IFT74: variants seen among roughly 807,000 people sequenced by gnomAD.
IFT74 encodes intraflagellar transport protein 74 homolog.
Under a neutral mutation model 96.7 loss-of-function variants are expected in IFT74, and 92 were observed. The ratio of observed to expected loss-of-function variants is 0.95; its 90% CI spans 0.80 to 1.13. The LOEUF (loss-of-function observed/expected upper bound fraction) is 1.13, where lower values mean the gene tolerates loss of function less well. Among genes scored for constraint, IFT74 ranks in the 50% most tolerant of loss-of-function variants. The pLI is 0.00. For missense variants in IFT74, 811 were observed against 698.2 expected (o/e 1.16, Z -1.82); for synonymous variants, 223 against 213.2 (o/e 1.05, Z -0.40).
At chr9:27,024,035 A>G (rs1376856354) in intron 12 of IFT74, among the ~76,000 whole-genome samples, 1 of 152,034 alleles carries the variant, frequency 6.6e-6, no homozygotes, top group African/African-American at 2.4e-5. Flanking sequence ...TGAAAGTGCC[A>G]CCTCCTAGCT....
At chr9:26,967,165 T>C (rs1196305586) in intron 2 of IFT74, among the ~76,000 whole-genome samples, 3 of 152,032 alleles carry the variant, frequency 2.0e-5, no homozygotes, top group African/African-American at 4.8e-5. Flanking sequence ...AAGGATTGCA[T>C]TGAATTTGTA....
chr9:27,036,694 G>T, intron 13 of IFT74: 6 of 1,308,940 alleles, frequency 4.6e-6, no homozygotes, highest in Non-Finnish European at 5.8e-6. Context: ...AAAAAAAAAA[G>T]ACTCCTAAAA....
At chr9:27,004,108 A>T (rs529336060) in intron 8 of IFT74, among the ~76,000 whole-genome samples, 9 of 152,330 alleles carry the variant, frequency 5.9e-5, no homozygotes, top group Admixed American at 5.9e-4. Flanking sequence ...TTAAGTTAAA[A>T]GTTGATATGA....
chr9:27,017,461 G>T (rs1296024663), intron 11 of IFT74, among the ~76,000 whole-genome samples: 4 of 152,078 alleles, frequency 2.6e-5, no homozygotes, highest in African/African-American at 9.7e-5. Flanking sequence ...GCCTCAAGCA[G>T]TCCTCCCATT....
chr9:27,027,868 C>G (rs1829941552), intron 12 of IFT74, among the ~76,000 whole-genome samples: 1 of 152,042 alleles, frequency 6.6e-6, no homozygotes, highest in Non-Finnish European at 1.5e-5. Context: ...AGTGTCATAT[C>G]TAAGAAACCA....
chr9:27,047,098 A>ATGG (rs1236757099), intron 14 of IFT74, among the ~76,000 whole-genome samples, 176 bp from the exon 15 acceptor site: 2 of 152,172 alleles, frequency 1.3e-5, no homozygotes, highest in African/African-American at 4.8e-5. Context: ...CCTTGAACCC[A>ATGG]GAGGTGGAGG....
At chr9:26,970,173 G>A (rs1292488721) in intron 2 of IFT74, among the ~76,000 whole-genome samples, 2 of 151,978 alleles carry the variant, frequency 1.3e-5, no homozygotes, top group Non-Finnish European at 2.9e-5. Context: ...TGTGGTGAGG[G>A]CATTGCAAAA....
At chr9:27,037,991 T>C (rs191831493) in intron 13 of IFT74, among the ~76,000 whole-genome samples, 2 of 152,362 alleles carry the variant, frequency 1.3e-5, no homozygotes, top group East Asian at 3.9e-4. Flanking sequence ...TTTAGCCATT[T>C]GATCGAGGCA....
At chr9:27,008,700 A>C (rs1312880337) in intron 8 of IFT74, among the ~76,000 whole-genome samples, 2 of 152,158 alleles carry the variant, frequency 1.3e-5, no homozygotes, top group Admixed American at 1.3e-4. Context: ...AAAAAGTATA[A>C]ATGCATCCTC....
intron 1 of IFT74, among the ~76,000 whole-genome samples, chr9:26,960,037 G>A (rs1358647568): frequency 6.6e-6 from 1 of 152,162 alleles, no homozygotes; most frequent in African/African-American, 2.4e-5. Flanking sequence ...CTTGAGAGAA[G>A]GAGGAGAGTT....
intron 14 of IFT74, among the ~76,000 whole-genome samples, chr9:27,046,059 C>A (rs992287532): frequency 6.6e-6 from 1 of 152,126 alleles, no homozygotes; most frequent in African/African-American, 2.4e-5. Flanking sequence ...GGTCACCTAG[C>A]TCAGATTTCT....
rs189333954 is a variant in IFT74 at position 27,006,294 on chromosome 9, T to C, written c.588-2726T>C. Among the ~76,000 whole-genome samples, 481 of 152,308 alleles carry C rather than the reference T, an allele frequency of 3.2e-3. 2 individuals are homozygous for C. The highest frequency in any genetic ancestry group is 5.1e-3 in the Non-Finnish European group (349 of 68,032). The stretch of plus-strand genomic sequence containing the variant: ...TTATGTTTGTCCTGATGGTATTTTG[T>C]GCTTAGAAGCATTCAAACTGAGGTC... On this transcript the variant is annotated intron_variant, in intron 8 of 19. Coordinates refer to ENST00000380062, the MANE Select transcript of IFT74 (RefSeq NM_025103.4).
intron 11 of IFT74, 28 bp from the exon 12 acceptor site, chr9:27,018,619 A>T (rs1223565566): frequency 5.9e-6 from 8 of 1,347,642 alleles, no homozygotes; most frequent in Non-Finnish European, 8.3e-6. Flanking sequence ...ATTTTTTTAA[A>T]TACTACTTTC....
At chr9:26,985,162 A>T (rs955295253) in intron 6 of IFT74, among the ~76,000 whole-genome samples, 3 of 152,184 alleles carry the variant, frequency 2.0e-5, no homozygotes, top group Admixed American at 1.3e-4. Flanking sequence ...AGGAACATGG[A>T]TGGAGCTGGA....
Position 27,018,653 on chromosome 9 carries a change from G to A in IFT74, c.940G>A (p.Asp314Asn), listed in dbSNP as rs1829463633. 2.0e-6 allele frequency: 3 copies of A among 1,512,262 alleles called. No individual in the cohort carries two copies. The highest frequency in any genetic ancestry group is 2.7e-6 in the Non-Finnish European group (3 of 1,102,888). 93.7% of individuals were successfully genotyped at this position (1,512,262 alleles called of 1,614,324 possible). A position where few individuals can be genotyped will look rare whatever the true frequency, so the allele number is the denominator to read the frequency against. ...EREKLLKQIK[D>N]DNQEIASMER... ...TCTTTTTATGCCTTTGTAGATTAAA[G>A]ATGATAATCAGGAAATAGCCAGCAT... is the stretch of plus-strand genomic sequence containing the variant. Residue 314 changes from aspartate to asparagine, a missense_variant, in exon 12 of 20, where the codon GAT becomes AAT. Asp to Asn is a conservative substitution (Grantham distance 23, BLOSUM62 1). Transcript: ENST00000380062.
At chr9:26,999,281 CA>C (rs1242244544) in intron 8 of IFT74, among the ~76,000 whole-genome samples, 1 of 151,790 alleles carries the variant, frequency 6.6e-6, no homozygotes, top group Non-Finnish European at 1.5e-5. Context: ...ATTTTTTCAC[CA>C]ATAATAATTC....
At chr9:26,961,355 G>A (rs1287131685) in intron 1 of IFT74, among the ~76,000 whole-genome samples, 1 of 152,070 alleles carries the variant, frequency 6.6e-6, no homozygotes, top group Non-Finnish European at 1.5e-5. Context: ...CTCCCAAAGT[G>A]CTGGGGTTAC....
chr9:27,060,489 A>G (rs1820364854), intron 18 of IFT74, 102 bp from the exon 19 acceptor site: 1 of 608,796 alleles, frequency 1.6e-6, no homozygotes, highest in Non-Finnish European at 2.8e-6. Context: ...TAAGTTGATA[A>G]GATTTAAAGT....
chr9:26,976,872 G>A (rs897961499), intron 2 of IFT74: 1 of 439,280 alleles, frequency 2.3e-6, no homozygotes, highest in Non-Finnish European at 4.5e-6. Context: ...ACCTGAAGTA[G>A]AGAATCTTGT....
Sources: allele counts gnomAD v4.1 joint callset (sites outside exome capture counted in the v4.1 genomes callset), GRCh38; gene constraint gnomAD v4.1.1; transcripts MANE v1.5; gene names NCBI Gene and HGNC (gene_info 2026-07-23, HGNC 2026-07-21).